DHRS7B: variants seen among roughly 807,000 people sequenced by gnomAD.
The protein encoded by DHRS7B is peroxisomal reductase activating PPAR-gamma.
Under a neutral mutation model 26.4 loss-of-function variants are expected in DHRS7B, and 24 were observed. That is an observed-to-expected ratio of 0.91 (90% confidence interval 0.66 to 1.28). DHRS7B has a LOEUF of 1.28. DHRS7B is among the 50% of genes most tolerant of loss of function. The pLI, the probability that DHRS7B is intolerant of heterozygous loss-of-function variation, is 0.00. For missense variants in DHRS7B, 368 were observed against 419.4 expected, an observed-to-expected ratio of 0.88 and a Z score of 1.07; for synonymous variants, 142 against 166.4, an observed-to-expected ratio of 0.85 and a Z score of 1.13.
chr17:21,146,937 C>G (rs1439971320), intron 1 of DHRS7B, among the ~76,000 whole-genome samples: 1 of 152,156 alleles, frequency 6.6e-6, no homozygotes, highest in Non-Finnish European at 1.5e-5. Context: ...TTTCCCCAAA[C>G]ATTTTTTATT....
chr17:21,186,099 G>A (rs1204150728), intron 5 of DHRS7B, among the ~76,000 whole-genome samples: 6 of 152,210 alleles, frequency 3.9e-5, no homozygotes, highest in African/African-American at 1.2e-4. Context: ...GTTGGTCTCC[G>A]TATTCAGTTT....
chr17:21,169,105 T>G (rs1265448445), intron 1 of DHRS7B, among the ~76,000 whole-genome samples: 1 of 152,198 alleles, frequency 6.6e-6, no homozygotes, highest in Non-Finnish European at 1.5e-5. Context: ...TTGCTGGCCT[T>G]GATAACCACA....
chr17:21,148,674 A>G (rs571796030), intron 1 of DHRS7B, among the ~76,000 whole-genome samples: 1 of 152,328 alleles, frequency 6.6e-6, no homozygotes, highest in Admixed American at 6.5e-5. Context: ...TGAACCTAGG[A>G]GGCGGAGGTT....
intron 1 of DHRS7B, among the ~76,000 whole-genome samples, chr17:21,170,745 T>C (rs997905061): frequency 6.6e-6 from 1 of 152,180 alleles, no homozygotes; most frequent in African/African-American, 2.4e-5. Context: ...ACCCTGAACA[T>C]GAACTTCAGG....
At chr17:21,154,311 C>T (rs1207577466) in intron 1 of DHRS7B, among the ~76,000 whole-genome samples, 1 of 123,168 alleles carries the variant, frequency 8.1e-6, no homozygotes, top group East Asian at 2.3e-4. Flanking sequence ...GCTCTCTCTC[C>T]AAAAAAAAAA....
Position 21,171,317 on chromosome 17 carries a change from C to T in DHRS7B, c.21-701C>T, listed in dbSNP as rs559622512. On this transcript the variant is annotated intron_variant, in intron 1 of 6. Transcript: ENST00000395511. ...TCAACTGCACACTGTTGCACAGACACTCATACAGCCTCCAGATTTCATGGC... is the reference window on the plus strand; with the variant it reads ...TCAACTGCACACTGTTGCACAGACATTCATACAGCCTCCAGATTTCATGGC... 1.0e-3 allele frequency among the ~76,000 whole-genome samples: 153 copies of T among 152,362 alleles called. 1 individual carries two copies. Among genetic ancestry groups the T allele is most frequent in the Non-Finnish European group, 1.9e-3 (126 of 68,038 alleles).
chr17:21,187,129 G>A (rs1459441159), intron 5 of DHRS7B, among the ~76,000 whole-genome samples: 1 of 142,348 alleles, frequency 7.0e-6, no homozygotes, highest in East Asian at 2.0e-4. Context: ...TATAAAATGT[G>A]TAAAATCACA....
At chr17:21,143,654 C>A (rs1973576968) in intron 1 of DHRS7B, among the ~76,000 whole-genome samples, 1 of 152,164 alleles carries the variant, frequency 6.6e-6, no homozygotes, top group Non-Finnish European at 1.5e-5. Context: ...TTTTTCCTCT[C>A]ATTTTAACCC....
intron 1 of DHRS7B, chr17:21,171,661 G>C: frequency 2.7e-6 from 1 of 369,850 alleles, no homozygotes; most frequent in Non-Finnish European, 5.2e-6. Context: ...CATTACTTGA[G>C]GTAAGGCCAA....
chr17:21,149,739 A>G (rs1272780194), intron 1 of DHRS7B, among the ~76,000 whole-genome samples: 2 of 152,124 alleles, frequency 1.3e-5, no homozygotes, highest in African/African-American at 2.4e-5. Flanking sequence ...TTTTTTTGTA[A>G]GCCTCATGGG....
At chr17:21,169,821 C>T (rs114787021) in intron 1 of DHRS7B, among the ~76,000 whole-genome samples, 3,162 of 152,156 alleles carry the variant, frequency 0.021, 113 homozygotes, top group African/African-American at 0.073. Flanking sequence ...CTCTGGGTCC[C>T]GGCCCCAGAG....
chr17:21,176,984 C>G (rs1007794417), intron 2 of DHRS7B, among the ~76,000 whole-genome samples: 4 of 152,050 alleles, frequency 2.6e-5, no homozygotes, highest in African/African-American at 9.7e-5. Context: ...CCTCTGCCTC[C>G]TCTCCTCCCA....
intron 1 of DHRS7B, among the ~76,000 whole-genome samples, chr17:21,168,338 T>G (rs1338665616): frequency 6.6e-6 from 1 of 152,136 alleles, no homozygotes; most frequent in Non-Finnish European, 1.5e-5. Flanking sequence ...TGGTCATTCT[T>G]TGTTAGCAGG....
intron 2 of DHRS7B, among the ~76,000 whole-genome samples, chr17:21,176,596 G>A (rs1222858054): frequency 6.6e-6 from 1 of 151,826 alleles, no homozygotes; most frequent in Non-Finnish European, 1.5e-5. Context: ...GTAAGACCCT[G>A]TCTCTAAAAA....
chr17:21,161,180 G>A (rs1973992701), intron 1 of DHRS7B, among the ~76,000 whole-genome samples: 1 of 152,174 alleles, frequency 6.6e-6, no homozygotes, highest in East Asian at 1.9e-4. Context: ...CTGAGAGTGG[G>A]CACTAATGTA....
intron 3 of DHRS7B, 79 bp downstream of exon 3, chr17:21,178,421 C>A: frequency 8.5e-7 from 1 of 1,181,510 alleles, no homozygotes; most frequent in Non-Finnish European, 1.2e-6. Context: ...TGGCCCACTC[C>A]TGGACTGCTG....
chr17:21,143,095 AT>A (rs1179128437), intron 1 of DHRS7B, among the ~76,000 whole-genome samples: 1 of 152,092 alleles, frequency 6.6e-6, no homozygotes, highest in Non-Finnish European at 1.5e-5. Context: ...CGCCCAGCTA[AT>A]TTTTGTATTT....
intron 1 of DHRS7B, among the ~76,000 whole-genome samples, chr17:21,138,129 C>CACACACACACAT (rs1429452660): frequency 1.0e-3 from 143 of 140,002 alleles, no homozygotes; most frequent in Middle Eastern, 3.6e-3. Context: ...CACACACACA[C>CACACACACACAT]ACATATATTT....
chr17:21,146,726 A>G lies in DHRS7B; in HGVS notation c.20+19735A>G, dbSNP rs557679687. The stretch of plus-strand genomic sequence containing the variant: ...CTTGAATTTAAAGAGAAATTATTTT[A>G]TGGAAAAAACAATGAATTGCAAGAA... On this transcript the variant is annotated intron_variant, in intron 1 of 6. Coordinates refer to ENST00000395511, the MANE Select transcript of DHRS7B (RefSeq NM_015510.5). Among the ~76,000 whole-genome samples, 3 of 152,364 alleles carry G rather than the reference A, an allele frequency of 2.0e-5. No homozygotes were observed. In the South Asian group the frequency reaches 6.2e-4, roughly 32 times the overall value.
Sources: gnomAD v4.1 joint callset for allele counts (sites outside exome capture counted in the v4.1 genomes callset) on GRCh38, gnomAD v4.1.1 for gene constraint, MANE v1.5 for transcripts, NCBI Gene and HGNC (gene_info 2026-07-23, HGNC 2026-07-21) for gene names.